The following PRKN variants were observed in gnomAD, a reference collection of about 807,000 sequenced individuals.
PRKN encodes E3 ubiquitin-protein ligase parkin.
In PRKN, 56 loss-of-function variants were observed where a neutral mutation model predicts 59.5. That is an observed-to-expected ratio of 0.94 (90% CI 0.76 to 1.18). The LOEUF is 1.18. PRKN is among the 50% of genes most tolerant of loss of function. PRKN has a pLI of 0.00. For synonymous variants in PRKN, 250 were observed against 222.1 expected (o/e 1.13, Z -1.12); for missense variants, 657 against 596.4 (o/e 1.10, Z -1.06).
intron 5 of PRKN, among the ~76,000 whole-genome samples, chr6:162,027,791 G>A (rs1783491481): frequency 6.6e-6 from 1 of 151,922 alleles, no homozygotes; most frequent in South Asian, 2.1e-4. Context: ...AGTTGCTGAG[G>A]TTGCCTCCGT....
intron 1 of PRKN, among the ~76,000 whole-genome samples, chr6:162,542,088 G>A (rs549945013): frequency 9.9e-5 from 15 of 152,106 alleles, no homozygotes; most frequent in Admixed American, 2.6e-4. Flanking sequence ...CCCAGGTTGC[G>A]GAAGGTAAGA....
rs758172954 is a variant in PRKN, at chr6:162,141,695, AC to A, written c.534+59435del. Among the ~76,000 whole-genome samples, 39 of 152,334 alleles carry A rather than the reference AC, an allele frequency of 2.6e-4. No homozygotes were observed. The East Asian group carries it at 4.2e-3, about 17-fold the overall frequency. The stretch of plus-strand genomic sequence containing the variant: ...AGTTGATTTCAAATAAATGTAGAAT[AC>A]TGCTATATAGTATACTTTGCATAAG... On this transcript the variant is annotated intron_variant, in intron 4 of 11. Transcript: ENST00000366898.
At chr6:161,863,745 T>A (rs1231867735) in intron 6 of PRKN, among the ~76,000 whole-genome samples, 1 of 152,112 alleles carries the variant, frequency 6.6e-6, no homozygotes, top group Non-Finnish European at 1.5e-5. Context: ...TTTTAACACT[T>A]TAAGGTATAT....
intron 9 of PRKN, among the ~76,000 whole-genome samples, chr6:161,482,508 A>T (rs1429567759): frequency 6.6e-6 from 1 of 152,250 alleles, no homozygotes; most frequent in African/African-American, 2.4e-5. Flanking sequence ...GCCGCCATAG[A>T]TTAGCTAGTT....
chr6:162,600,267 G>A (rs2846543), intron 1 of PRKN, among the ~76,000 whole-genome samples: 139,716 of 152,224 alleles, frequency 0.92, 64,248 homozygotes, highest in Admixed American at 0.97. Context: ...AACCAGCATA[G>A]GGTTTTGAGT....
chr6:162,599,671 C>T (rs549324068), intron 1 of PRKN, among the ~76,000 whole-genome samples: 3 of 152,256 alleles, frequency 2.0e-5, no homozygotes, highest in South Asian at 4.1e-4. Context: ...GGGTACACGA[C>T]AGCACACGTG....
At chr6:161,638,138 G>T (rs1783597028) in intron 7 of PRKN, among the ~76,000 whole-genome samples, 1 of 147,096 alleles carries the variant, frequency 6.8e-6, no homozygotes, top group Non-Finnish European at 1.5e-5. Flanking sequence ...TTCACCCCTG[G>T]TTTTTTTTTT....
At chr6:162,232,580 A>G (rs1056350905) in intron 3 of PRKN, among the ~76,000 whole-genome samples, 4 of 152,174 alleles carry the variant, frequency 2.6e-5, no homozygotes, top group Admixed American at 2.0e-4. Context: ...TTGGTATGAA[A>G]TCATTGATTT....
chr6:162,646,119 G>A (rs56817327), intron 1 of PRKN, among the ~76,000 whole-genome samples: 3,052 of 151,862 alleles, frequency 0.02, 103 homozygotes, highest in African/African-American at 0.069. Flanking sequence ...TAAACCGCCC[G>A]CCTCGGCCTC....
intron 2 of PRKN, among the ~76,000 whole-genome samples, chr6:162,334,479 C>T (rs1386502759): frequency 6.6e-6 from 1 of 152,190 alleles, no homozygotes; most frequent in African/African-American, 2.4e-5. Flanking sequence ...TATGCCAGCA[C>T]ATCTGTTTAC....
chr6:162,470,213 G>A (rs1202369639), intron 1 of PRKN, among the ~76,000 whole-genome samples: 1 of 152,246 alleles, frequency 6.6e-6, no homozygotes, highest in African/African-American at 2.4e-5. Flanking sequence ...TAGACCCTAT[G>A]TCCTTGACAT....
At chr6:162,563,983 CAA>C (rs34846475) in intron 1 of PRKN, among the ~76,000 whole-genome samples, 3 of 146,640 alleles carry the variant, frequency 2.0e-5, no homozygotes, top group Admixed American at 6.8e-5. Flanking sequence ...TCTGAGGAGA[CAA>C]AAAAAAAAAC....
chr6:162,467,680 C>T, intron 1 of PRKN, among the ~76,000 whole-genome samples: 1 of 152,114 alleles, frequency 6.6e-6, no homozygotes, highest in Non-Finnish European at 1.5e-5. Context: ...AGAAAAAACT[C>T]ACGTCACTTC....
chr6:161,902,920 C>A (rs1226571423), intron 6 of PRKN, among the ~76,000 whole-genome samples: 1 of 152,170 alleles, frequency 6.6e-6, no homozygotes, highest in South Asian at 2.1e-4. Flanking sequence ...ACACCTCATG[C>A]TGCCTGTATA....
intron 6 of PRKN, among the ~76,000 whole-genome samples, chr6:161,796,726 A>T (rs578078026): frequency 2.0e-5 from 3 of 152,304 alleles, no homozygotes; most frequent in South Asian, 4.1e-4. Flanking sequence ...GACTGTCGAT[A>T]TGTATAACTA....
chr6:161,570,499 C>T (rs1170391526), intron 7 of PRKN, among the ~76,000 whole-genome samples: 3 of 151,520 alleles, frequency 2.0e-5, no homozygotes, highest in Admixed American at 1.3e-4. Context: ...ACCAACCCTT[C>T]CCCCTCCTCC....
chr6:162,457,249 A>T (rs1316737392), intron 1 of PRKN, among the ~76,000 whole-genome samples: 1 of 152,202 alleles, frequency 6.6e-6, no homozygotes, highest in African/African-American at 2.4e-5. Context: ...GCAGGAGAGT[A>T]GAATAGAAAT....
chr6:162,242,152 G>A (rs968621139), intron 3 of PRKN, among the ~76,000 whole-genome samples: 7 of 152,112 alleles, frequency 4.6e-5, no homozygotes, highest in African/African-American at 1.7e-4. Context: ...TTTACATTGA[G>A]TTTGACATTC....
At chr6:162,227,392 C>G (rs1276202687) in intron 3 of PRKN, among the ~76,000 whole-genome samples, 1 of 151,842 alleles carries the variant, frequency 6.6e-6, no homozygotes, top group Non-Finnish European at 1.5e-5. Flanking sequence ...TTTTTTCTCT[C>G]TCTACCCTTT....
Sources: gnomAD v4.1 joint callset for allele counts (sites outside exome capture counted in the v4.1 genomes callset) on GRCh38, gnomAD v4.1.1 for gene constraint, MANE v1.5 for transcripts, NCBI Gene and HGNC (gene_info 2026-07-23, HGNC 2026-07-21) for gene names.